The following MCM9 variants were observed in gnomAD, a reference collection of about 807,000 sequenced individuals.
MCM9 encodes DNA helicase MCM9.
A neutral mutation model predicts 72.8 loss-of-function variants in MCM9; 55 were observed. The ratio of observed to expected loss-of-function variants is 0.76; its 90% CI spans 0.61 to 0.95. MCM9 has a LOEUF of 0.95. Among genes scored for constraint, MCM9 ranks in the 40% least tolerant of loss-of-function variants. The pLI is 0.00. For missense variants in MCM9, 1,279 were observed against 1,377.0 expected (o/e 0.93, Z 1.13); for synonymous variants, 480 against 503.4 (o/e 0.95, Z 0.62).
chr6:118,911,976 A>G, intron 7 of MCM9: 1 of 403,338 alleles, frequency 2.5e-6, no homozygotes, highest in Non-Finnish European at 4.4e-6. Context: ...AATTCTATTA[A>G]TAAATTATGT....
At chr6:118,826,351 C>T in intron 12 of MCM9, 59 bp from the exon 13 acceptor site, 3 of 1,511,204 alleles carry the variant, frequency 2.0e-6, no homozygotes, top group African/African-American at 1.4e-5. Context: ...GCGGTAAGTA[C>T]ACTCTAGGGA....
chr6:118,898,705 A>G (rs1281831080), intron 8 of MCM9, among the ~76,000 whole-genome samples: 2 of 152,222 alleles, frequency 1.3e-5, no homozygotes, highest in African/African-American at 4.8e-5. Context: ...GGCGTGAGCC[A>G]CTGCGCCCAG....
Position 118,901,472 on chromosome 6 carries a change from T to A in MCM9, c.1150+10178A>T, listed in dbSNP as rs59981471. ...AATCTACATTATCTTATAAGAGGAC[T>A]ACTTTTGCAAATTTACTACCCCACT... On this transcript the variant is annotated intron_variant, in intron 8 of 13. Transcript: ENST00000619706. Among the ~76,000 whole-genome samples the A allele has an allele frequency of 2.8e-3, 419 of 152,330 alleles. 1 individual carries two copies. Among genetic ancestry groups the A allele is most frequent in the African/African-American group, 9.4e-3 (391 of 41,580 alleles).
At chr6:118,900,957 T>C in intron 8 of MCM9, 1 of 1,042,714 alleles carries the variant, frequency 9.6e-7, no homozygotes. Flanking sequence ...CTTATAACCC[T>C]TATCCCTTTC....
At chr6:118,907,682 G>T in intron 8 of MCM9, 1 of 1,255,176 alleles carries the variant, frequency 8.0e-7, no homozygotes, top group East Asian at 2.3e-5. Flanking sequence ...CTGAAATTCC[G>T]TAAGTACATA....
At chr6:118,846,631 T>G (rs1230777705) in intron 9 of MCM9, among the ~76,000 whole-genome samples, 1 of 151,262 alleles carries the variant, frequency 6.6e-6, no homozygotes, top group African/African-American at 2.4e-5. Flanking sequence ...TCGCCTGGAG[T>G]CTTGGTGATC....
chr6:118,918,807 A>G (rs1019205622), intron 5 of MCM9: 8 of 152,190 alleles, frequency 5.3e-5, no homozygotes, highest in Non-Finnish European at 8.8e-5. Flanking sequence ...CTGATGAAAA[A>G]TGCCTTTCAC....
Position 118,930,212 on chromosome 6 carries a change from A to G in MCM9, c.304+1208T>C, listed in dbSNP as rs527712534. Among the ~76,000 whole-genome samples, 748 of 152,118 alleles carry G rather than the reference A, an allele frequency of 4.9e-3. 2 individuals are homozygous for G. Among genetic ancestry groups the G allele is most frequent in the South Asian group, 0.013 (63 of 4,822 alleles). ...TGCAAGCTCCGCCTCCTGGGTTCAC[A>G]CCATTCTCCTGCCTCAGCCTTCTGA... On this transcript the variant is annotated intron_variant, in intron 3 of 13. Coordinates refer to ENST00000619706, the MANE Select transcript of MCM9 (RefSeq NM_017696.3).
At chr6:118,848,922 C>CA (rs910232957) in intron 9 of MCM9, among the ~76,000 whole-genome samples, 58 of 138,770 alleles carry the variant, frequency 4.2e-4, no homozygotes, top group Admixed American at 7.9e-4. Flanking sequence ...ACTTTGTTTC[C>CA]AAAAAAAAAA....
intron 6 of MCM9, among the ~76,000 whole-genome samples, chr6:118,916,055 C>A (rs369280017): frequency 1.3e-5 from 2 of 151,994 alleles, no homozygotes; most frequent in African/African-American, 4.8e-5. Flanking sequence ...AGGATAGAAT[C>A]CTAAGAAACC....
intron 13 of MCM9, among the ~76,000 whole-genome samples, chr6:118,819,936 A>G (rs1338794793): frequency 6.6e-6 from 1 of 152,124 alleles, no homozygotes; most frequent in Non-Finnish European, 1.5e-5. Context: ...CTCTAATGGT[A>G]GTTTGTATTT....
chr6:118,913,813 G>C (rs187543157), intron 6 of MCM9, among the ~76,000 whole-genome samples: 1 of 152,024 alleles, frequency 6.6e-6, no homozygotes, highest in Non-Finnish European at 1.5e-5. Flanking sequence ...ATGTTGCCCA[G>C]GCTGGTCTCA....
At chr6:118,822,058 T>C (rs186334359) in intron 13 of MCM9, among the ~76,000 whole-genome samples, 26 of 152,320 alleles carry the variant, frequency 1.7e-4, no homozygotes, top group African/African-American at 5.3e-4. Context: ...CTTCCTTGCA[T>C]TGGGTTAGAA....
chr6:118,874,987 C>A lies in MCM9; in HGVS notation c.1151-18442G>T, dbSNP rs149491159. On this transcript the variant is annotated intron_variant, in intron 8 of 13. Coordinates refer to ENST00000619706, the MANE Select transcript of MCM9 (RefSeq NM_017696.3). Reference sequence around the variant, plus strand: ...AACCAGCTGGGCATGGTGGCAGGCACCTGTAATCCCAGCTTCTTGGGAGGC... The same window carrying A: ...AACCAGCTGGGCATGGTGGCAGGCAACTGTAATCCCAGCTTCTTGGGAGGC... Among the ~76,000 whole-genome samples, 1,302 of 152,176 alleles carry A rather than the reference C, an allele frequency of 8.6e-3. 19 individuals carry two copies. Among genetic ancestry groups the A allele is most frequent in the African/African-American group, 0.029 (1,210 of 41,550 alleles).
At chr6:118,864,836 G>GCTT (rs1462153800) in intron 8 of MCM9, among the ~76,000 whole-genome samples, 6 of 152,158 alleles carry the variant, frequency 3.9e-5, no homozygotes, top group Non-Finnish European at 8.8e-5. Flanking sequence ...TACTTCTGGG[G>GCTT]CTTCATCCCC....
intron 9 of MCM9, among the ~76,000 whole-genome samples, chr6:118,846,653 G>A (rs944434830): frequency 6.6e-6 from 1 of 151,740 alleles, no homozygotes; most frequent in African/African-American, 2.4e-5. Context: ...GGTGAAGAAG[G>A]AGGCAAGCAG....
chr6:118,854,215 T>C (rs1266769496), intron 9 of MCM9, among the ~76,000 whole-genome samples: 3 of 152,234 alleles, frequency 2.0e-5, no homozygotes, highest in African/African-American at 7.2e-5. Context: ...GTCTTTTATT[T>C]CTTTTTCTTA....
At chr6:118,921,981 A>C in intron 5 of MCM9, 24 bp downstream of exon 5, 2 of 1,402,484 alleles carry the variant, frequency 1.4e-6, no homozygotes, top group East Asian at 5.0e-5. Context: ...TACACAAGCT[A>C]AAAAAAAATT....
intron 9 of MCM9, among the ~76,000 whole-genome samples, chr6:118,834,227 A>G (rs982248630): frequency 6.6e-6 from 1 of 152,196 alleles, no homozygotes; most frequent in Non-Finnish European, 1.5e-5. Flanking sequence ...TCCGTGGTAT[A>G]TATGTGCCAC....
Sources: allele counts gnomAD v4.1 joint callset (sites outside exome capture counted in the v4.1 genomes callset), GRCh38; gene constraint gnomAD v4.1.1; transcripts MANE v1.5; gene names NCBI Gene and HGNC (gene_info 2026-07-23, HGNC 2026-07-21).